The following ELP4 variants were observed in gnomAD, a reference collection of about 807,000 sequenced individuals.
ELP4 encodes the protein elongator acetyltransferase complex subunit 4.
A neutral mutation model predicts 48.9 loss-of-function variants in ELP4; 51 were observed. That is an observed-to-expected ratio of 1.04 (90% CI 0.83 to 1.32). The LOEUF is 1.32. ELP4 is among the 40% of genes most tolerant of loss of function. The pLI, the probability that ELP4 is intolerant of heterozygous loss-of-function variation, is 0.00. For missense variants in ELP4, 519 were observed against 514.6 expected, an observed-to-expected ratio of 1.01 and a Z score of -0.08; for synonymous variants, 210 against 189.2, an observed-to-expected ratio of 1.11 and a Z score of -0.90.
intron 3 of ELP4, among the ~76,000 whole-genome samples, chr11:31,547,322 G>A (rs956980642): frequency 3.9e-5 from 6 of 152,086 alleles, no homozygotes; most frequent in African/African-American, 1.4e-4. Context: ...CGATCCCACA[G>A]AAATACAAAC....
intron 3 of ELP4, among the ~76,000 whole-genome samples, chr11:31,541,848 G>A (rs1054113536): frequency 1.3e-5 from 2 of 152,128 alleles, no homozygotes; most frequent in African/African-American, 4.8e-5. Flanking sequence ...TTTTCATCAA[G>A]CTTTTATAAA....
At chr11:31,780,990 G>T (rs181213397) in intron 9 of ELP4, among the ~76,000 whole-genome samples, 2 of 152,060 alleles carry the variant, frequency 1.3e-5, no homozygotes, top group Non-Finnish European at 2.9e-5. Context: ...GTTTTCCTTC[G>T]CCAACTGTGA....
At chr11:31,548,259 C>T (rs11031412) in intron 3 of ELP4, among the ~76,000 whole-genome samples, 55,752 of 151,690 alleles carry the variant, frequency 0.37, 12,838 homozygotes, top group African/African-American at 0.65. Flanking sequence ...CCCAAAATCT[C>T]CTTAGCGGAT....
intron 9 of ELP4, among the ~76,000 whole-genome samples, chr11:31,764,646 A>G (rs1948008344): frequency 6.6e-6 from 1 of 152,220 alleles, no homozygotes; most frequent in Non-Finnish European, 1.5e-5. Flanking sequence ...AGGGCATCAT[A>G]TAAAAGATGC....
intron 4 of ELP4, chr11:31,600,607 A>G (rs1957764729): frequency 6.6e-6 from 1 of 152,158 alleles, no homozygotes; most frequent in Non-Finnish European, 1.5e-5. Flanking sequence ...AACAATGAAT[A>G]ACATTTACAT....
intron 3 of ELP4, among the ~76,000 whole-genome samples, chr11:31,591,483 A>C (rs1284810945): frequency 2.7e-5 from 4 of 150,908 alleles, no homozygotes; most frequent in Admixed American, 6.6e-5. Flanking sequence ...ACAGATGGCC[A>C]ACCCAGCACA....
At chr11:31,533,962 A>T (rs1956453296) in intron 2 of ELP4, among the ~76,000 whole-genome samples, 1 of 151,852 alleles carries the variant, frequency 6.6e-6, no homozygotes, top group South Asian at 2.1e-4. Context: ...CAGCCTCCCG[A>T]GTAGCTGGGA....
chr11:31,696,987 C>CA (rs36139313), intron 9 of ELP4, among the ~76,000 whole-genome samples: 4 of 151,422 alleles, frequency 2.6e-5, no homozygotes, highest in Non-Finnish European at 4.4e-5. Context: ...AAATGGAAAA[C>CA]AAAAAAAGGC....
At chr11:31,704,210 A>G (rs992754010) in intron 9 of ELP4, among the ~76,000 whole-genome samples, 3 of 152,096 alleles carry the variant, frequency 2.0e-5, no homozygotes, top group African/African-American at 7.2e-5. Flanking sequence ...TTGAAAATAG[A>G]AAAACTTCTC....
chr11:31,714,605 A>G (rs1946803496), intron 9 of ELP4: 1 of 398,334 alleles, frequency 2.5e-6, no homozygotes, highest in Admixed American at 4.4e-5. Context: ...GAACAATACA[A>G]ATTTATTTTC....
chr11:31,723,946 A>G (rs1252936716), intron 9 of ELP4, among the ~76,000 whole-genome samples: 1 of 152,204 alleles, frequency 6.6e-6, no homozygotes, highest in African/African-American at 2.4e-5. Context: ...TGCAACTATC[A>G]AATAAATAGG....
chr11:31,755,798 G>A (rs1006638709), intron 9 of ELP4, among the ~76,000 whole-genome samples: 1 of 150,964 alleles, frequency 6.6e-6, no homozygotes, highest in Non-Finnish European at 1.5e-5. Flanking sequence ...CTGTAGCTTA[G>A]TAATTACTTA....
intron 8 of ELP4, 49 bp downstream of exon 8, chr11:31,647,898 G>A: frequency 9.0e-7 from 1 of 1,107,408 alleles, no homozygotes; most frequent in Non-Finnish European, 1.4e-6. Context: ...CTGCTTCTAG[G>A]TTACCTGGAA....
intron 9 of ELP4, among the ~76,000 whole-genome samples, chr11:31,658,072 G>A (rs1201453111): frequency 1.3e-5 from 2 of 151,934 alleles, no homozygotes; most frequent in South Asian, 2.1e-4. Context: ...ATTGAAGCCT[G>A]TTTTATTCTA....
chr11:31,511,772 C>G (rs965103960), intron 1 of ELP4: 1 of 152,104 alleles, frequency 6.6e-6, no homozygotes, highest in Non-Finnish European at 1.5e-5. Flanking sequence ...AAAAGAGAAC[C>G]CAAAGCACCT....
intron 9 of ELP4, among the ~76,000 whole-genome samples, chr11:31,694,168 TA>T (rs1946347575): frequency 6.6e-6 from 1 of 152,174 alleles, no homozygotes; most frequent in Admixed American, 6.5e-5. Context: ...TTAGTTTAAT[TA>T]GATCCCATTT....
chr11:31,706,399 G>T (rs1946632907), intron 9 of ELP4, among the ~76,000 whole-genome samples: 1 of 151,478 alleles, frequency 6.6e-6, no homozygotes, highest in Admixed American at 6.6e-5. Flanking sequence ...GAGAGGCCAA[G>T]GTGGGAAGAT....
At chr11:31,515,033 G>GTGTATATA (rs1263600301) in intron 1 of ELP4, among the ~76,000 whole-genome samples, 389 of 133,946 alleles carry the variant, frequency 2.9e-3, no homozygotes, top group African/African-American at 7.7e-3. Flanking sequence ...GTGTGTGTGT[G>GTGTATATA]TATATATATA....
At chr11:31,622,092 T>C (rs2134028700) in intron 5 of ELP4, among the ~76,000 whole-genome samples, 1 of 151,844 alleles carries the variant, frequency 6.6e-6, no homozygotes, top group Middle Eastern at 3.5e-3. Flanking sequence ...TTATTTACTA[T>C]GTACCAAACA....
Sources: allele counts gnomAD v4.1 joint callset (sites outside exome capture counted in the v4.1 genomes callset), GRCh38; gene constraint gnomAD v4.1.1; transcripts MANE v1.5; gene names NCBI Gene and HGNC (gene_info 2026-07-23, HGNC 2026-07-21).